The following DENND2B variants were observed in gnomAD, a reference collection of about 807,000 sequenced individuals.
DENND2B encodes DENN domain containing 2B, also known as DENN domain-containing protein 2B.
Under a neutral mutation model 116.0 loss-of-function variants are expected in DENND2B, and 32 were observed. That is an observed-to-expected ratio of 0.28 (90% confidence interval 0.21 to 0.37). The LOEUF is 0.37. DENND2B is among the 10% of genes least tolerant of loss of function. DENND2B has a pLI of 1.00. For synonymous variants in DENND2B, 588 were observed against 583.9 expected (o/e 1.01, Z -0.10); for missense variants, 1,276 against 1,477.7 (o/e 0.86, Z 2.24).
chr11:8,797,817 T>C (rs1314117401), intron 1 of DENND2B, among the ~76,000 whole-genome samples: 1 of 152,040 alleles, frequency 6.6e-6, no homozygotes, highest in Non-Finnish European at 1.5e-5. Flanking sequence ...CAAATTTCCA[T>C]ACCTTATCCC....
chr11:8,714,192 C>A, intron 7 of DENND2B, 150 bp from the exon 8 acceptor site: 2 of 777,036 alleles, frequency 2.6e-6, no homozygotes, highest in South Asian at 3.2e-5. Flanking sequence ...AGGCAGGGAG[C>A]TGAGTGGCCT....
At chr11:8,694,274 G>T in intron 19 of DENND2B, 144 bp from the exon 20 acceptor site, 1 of 926,000 alleles carries the variant, frequency 1.1e-6, no homozygotes, top group Non-Finnish European at 1.6e-6. Context: ...ATCCAGGGTA[G>T]TGAAAACACG....
chr11:8,900,168 A>G (rs150826493), intron 1 of DENND2B, among the ~76,000 whole-genome samples: 3,517 of 152,086 alleles, frequency 0.023, 48 homozygotes, highest in Middle Eastern at 0.034. Flanking sequence ...GCTCACGCCT[A>G]TAATCCCAAC....
At chr11:8,695,269 G>C (rs1238892349) in intron 19 of DENND2B, among the ~76,000 whole-genome samples, 194 bp downstream of exon 19, 1 of 152,106 alleles carries the variant, frequency 6.6e-6, no homozygotes. Context: ...GATATTGAAG[G>C]ACCACTACTG....
intron 2 of DENND2B, among the ~76,000 whole-genome samples, chr11:8,737,813 A>G (rs1456456321): frequency 2.6e-5 from 4 of 151,542 alleles, no homozygotes; most frequent in African/African-American, 9.7e-5. Flanking sequence ...AGGCTGGAGT[A>G]CATAGCTCAC....
chr11:8,749,841 A>C (rs2052021329), intron 2 of DENND2B, among the ~76,000 whole-genome samples: 1 of 152,232 alleles, frequency 6.6e-6, no homozygotes, highest in South Asian at 2.1e-4. Flanking sequence ...AATAAAAAAG[A>C]CTAAAGGTTC....
intron 2 of DENND2B, among the ~76,000 whole-genome samples, chr11:8,749,331 T>C (rs1318524225): frequency 6.6e-6 from 1 of 152,240 alleles, no homozygotes; most frequent in East Asian, 1.9e-4. Context: ...GAAGCTGGTA[T>C]GCCACCAAGC....
rs1204628182 is a variant in DENND2B, at chr11:8,710,788, CA to C, written c.2352+56del. ...ACACACACACACACACACACACACA[CA>C]CACACCCTGGCCTATCCCCTGCCTG... On this transcript the variant is annotated intron_variant, in intron 11 of 19. Coordinates refer to ENST00000313726, the MANE Select transcript of DENND2B (RefSeq NM_213618.2). The C allele has an allele frequency of 7.8e-4, 1,160 of 1,484,526 alleles. 3 individuals carry two copies. Among genetic ancestry groups the C allele is most frequent in the African/African-American group, 1.1e-3 (80 of 69,916 alleles). The allele number at this position is 1,484,526 out of a possible 1,614,324, so 92.0% of individuals were successfully genotyped here.
intron 1 of DENND2B, among the ~76,000 whole-genome samples, chr11:8,892,426 A>G (rs1310184665): frequency 1.3e-5 from 2 of 152,326 alleles, no homozygotes; most frequent in East Asian, 3.9e-4. Flanking sequence ...CAGAGACACA[A>G]AAAAACCTTC....
chr11:8,746,438 T>G (rs559279011), intron 2 of DENND2B, among the ~76,000 whole-genome samples: 2 of 152,318 alleles, frequency 1.3e-5, no homozygotes, highest in South Asian at 4.1e-4. Flanking sequence ...CCCTTCCAAC[T>G]CTAACATCCC....
chr11:8,817,692 G>A (rs539359688), intron 4 of DENND2B, among the ~76,000 whole-genome samples: 3 of 152,070 alleles, frequency 2.0e-5, no homozygotes, highest in Non-Finnish European at 2.9e-5. Flanking sequence ...GTTCACCTCC[G>A]CTCAGCTCAC....
chr11:8,693,879 T>A lies in DENND2B; in HGVS notation c.*217A>T. 1.9e-6 allele frequency: 1 copy of A among 528,000 alleles called. No individual in the cohort carries two copies. Among genetic ancestry groups the A allele is most frequent in the Non-Finnish European group, 3.3e-6 (1 of 299,122 alleles). 32.7% of individuals were successfully genotyped at this position (528,000 alleles called of 1,614,324 possible). On this transcript the variant is annotated 3_prime_UTR_variant, in exon 20 of 20. Transcript: ENST00000313726. ...CTTGGGAATATACAAATATTTGCCATATTCTCTTTGCTTGTTACAAAAAAC... is the reference window on the plus strand; with the variant it reads ...CTTGGGAATATACAAATATTTGCCAAATTCTCTTTGCTTGTTACAAAAAAC...
At chr11:8,890,092 A>G (rs1046534595) in intron 1 of DENND2B, among the ~76,000 whole-genome samples, 7 of 152,190 alleles carry the variant, frequency 4.6e-5, no homozygotes, top group Non-Finnish European at 8.8e-5. Flanking sequence ...AGCAATATTC[A>G]CTGTTCTGCA....
intron 1 of DENND2B, among the ~76,000 whole-genome samples, chr11:8,802,204 G>A (rs1216871658): frequency 5.3e-5 from 8 of 151,610 alleles, no homozygotes; most frequent in Non-Finnish European, 1.2e-4. Flanking sequence ...GGAAGGCTGA[G>A]GCAGGAGAAT....
chr11:8,693,904 C>A lies in DENND2B; in HGVS notation c.*192G>T. On this transcript the variant is annotated 3_prime_UTR_variant, in exon 20 of 20. Coordinates refer to ENST00000313726, the MANE Select transcript of DENND2B (RefSeq NM_213618.2). The stretch of plus-strand genomic sequence containing the variant: ...TATTCTCTTTGCTTGTTACAAAAAA[C>A]AGTTAAGAAAGCTTACAGCAGATTA... 1.8e-6 allele frequency: 1 copy of A among 541,700 alleles called. No homozygotes were observed. Among genetic ancestry groups the A allele is most frequent in the Non-Finnish European group, 3.2e-6 (1 of 309,952 alleles). The allele number at this position is 541,700 out of a possible 1,614,324, so 33.6% of individuals were successfully genotyped here.
intron 13 of DENND2B, among the ~76,000 whole-genome samples, chr11:8,706,655 T>C (rs1592457074): frequency 6.6e-6 from 1 of 152,308 alleles, no homozygotes; most frequent in East Asian, 1.9e-4. Flanking sequence ...TCACTTGGCT[T>C]GTAACACATT....
intron 1 of DENND2B, among the ~76,000 whole-genome samples, chr11:8,791,290 T>G (rs186278029): frequency 6.6e-6 from 1 of 152,170 alleles, no homozygotes; most frequent in Non-Finnish European, 1.5e-5. Flanking sequence ...TAGGAAGCAC[T>G]GGAAAGTTTT....
intron 3 of DENND2B, 179 bp from the exon 4 acceptor site, chr11:8,726,388 C>T: frequency 1.3e-6 from 1 of 745,602 alleles, no homozygotes; most frequent in Non-Finnish European, 2.1e-6. Context: ...CTGAAAGGCC[C>T]CAGCCTGGGT....
At chr11:8,909,443 A>AGAAGGAGAG (rs2064284834) in intron 1 of DENND2B, among the ~76,000 whole-genome samples, 1 of 56,442 alleles carries the variant, frequency 1.8e-5, no homozygotes, top group African/African-American at 4.4e-5. Flanking sequence ...AGGAGGAAGA[A>AGAAGGAGAG]GGAGAAGGAG....
Sources: allele counts gnomAD v4.1 joint callset (sites outside exome capture counted in the v4.1 genomes callset), GRCh38; gene constraint gnomAD v4.1.1; transcripts MANE v1.5; gene names NCBI Gene and HGNC (gene_info 2026-07-23, HGNC 2026-07-21).